COL6A2: variants seen among roughly 807,000 people sequenced by gnomAD.
The protein encoded by COL6A2 is collagen type VI alpha 2 chain.
In COL6A2, 90 loss-of-function variants were observed where a neutral mutation model predicts 124.9. That is an observed-to-expected ratio of 0.72 (90% CI 0.61 to 0.86). The LOEUF is 0.86. COL6A2 is among the 40% of genes least tolerant of loss of function. The pLI is 0.00. For synonymous variants in COL6A2, 793 were observed against 618.2 expected, an observed-to-expected ratio of 1.28 and a Z score of -4.19; for missense variants, 1,607 against 1,502.5, an observed-to-expected ratio of 1.07 and a Z score of -1.15.
Position 46,122,415 on chromosome 21 carries a change from G to A in COL6A2, c.1573-81G>A, listed in dbSNP as rs561500621. 131 of 1,578,020 alleles carry A rather than the reference G, an allele frequency of 8.3e-5. 1 individual carries two copies. The South Asian group carries it at 1.4e-3, about 17-fold the overall frequency. On this transcript the variant is annotated intron_variant, in intron 19 of 27. Coordinates refer to ENST00000300527, the MANE Select transcript of COL6A2 (RefSeq NM_001849.4). ...TGTGAATGAGCGAGGGAGGGAAACGGGGCTGCAGAAAGCTGCCCAGAGGGA... is the reference window on the plus strand; with the variant it reads ...TGTGAATGAGCGAGGGAGGGAAACGAGGCTGCAGAAAGCTGCCCAGAGGGA...
chr21:46,128,603 A>C (rs1214620225), intron 27 of COL6A2, among the ~76,000 whole-genome samples: 1 of 152,248 alleles, frequency 6.6e-6, no homozygotes, highest in Non-Finnish European at 1.5e-5. Context: ...CTGGAGAAAC[A>C]AACCAGACGC....
intron 15 of COL6A2, among the ~76,000 whole-genome samples, chr21:46,120,138 C>CCCCCCAGCCCCCA (rs1236853963): frequency 6.7e-6 from 1 of 150,288 alleles, no homozygotes; most frequent in African/African-American, 2.4e-5. Context: ...CACTGAGGCA[C>CCCCCCAGCCCCCA]CTCTTACCCC....
At position 46,132,082 on chromosome 21, in the gene COL6A2, A is replaced by T. The variant is rs780908409; in HGVS notation, c.2590A>T (p.Thr864Ser). The change falls in exon 28 of 28, where the codon ACG (threonine) becomes TCG (serine). Residue 864 changes from threonine (T) to serine (S), a missense_variant. Coordinates refer to ENST00000300527, the MANE Select transcript of COL6A2 (RefSeq NM_001849.4). ...RFVEQVARRLTLARRDDDPLN... is the reference protein window; with the variant it reads ...RFVEQVARRLSLARRDDDPLN... ...CGTGGAGCAGGTGGCGCGGCGGCTG[A>T]CGCTGGCCCGGAGGGACGACGACCC... The T allele has an allele frequency of 6.2e-7, 1 of 1,601,524 alleles. No homozygotes were observed. Among genetic ancestry groups the T allele is most frequent in the Non-Finnish European group, 8.5e-7 (1 of 1,176,564 alleles).
chr21:46,118,562 AC>A, intron 12 of COL6A2, 51 bp from the exon 13 acceptor site: 4 of 1,582,732 alleles, frequency 2.5e-6, no homozygotes, highest in African/African-American at 2.7e-5. Flanking sequence ...GGCATCCTGC[AC>A]CCCCCTTCCC....
At chr21:46,129,023 C>CA (rs2078718793) in intron 27 of COL6A2, 1 of 1,603,454 alleles carries the variant, frequency 6.2e-7, no homozygotes, top group African/African-American at 1.3e-5. Flanking sequence ...TCACTGCCCC[C>CA]ACGCCTCCTG....
At chr21:46,098,972 G>A (rs996433172) in intron 1 of COL6A2, 1 of 152,348 alleles carries the variant, frequency 6.6e-6, no homozygotes, top group Non-Finnish European at 1.5e-5. Flanking sequence ...GCGGGCGAGC[G>A]GCGCCCATCC....
At chr21:46,117,710 C>T (rs923363598) in intron 11 of COL6A2, among the ~76,000 whole-genome samples, 164 bp from the exon 12 acceptor site, 3 of 151,952 alleles carry the variant, frequency 2.0e-5, no homozygotes, top group Non-Finnish European at 4.4e-5. Context: ...GCTCCATTTC[C>T]CTGAGCAGCA....
chr21:46,124,191 T>G (rs1255980910), intron 21 of COL6A2, among the ~76,000 whole-genome samples: 1 of 149,598 alleles, frequency 6.7e-6, no homozygotes, highest in Non-Finnish European at 1.5e-5. Context: ...GGTGGATGAA[T>G]GGATGGGTTA....
intron 16 of COL6A2, 53 bp from the exon 17 acceptor site, chr21:46,121,008 C>T (rs1192276921): frequency 1.3e-5 from 20 of 1,549,154 alleles, no homozygotes; most frequent in South Asian, 2.2e-5. Context: ...ACTGGGGACT[C>T]CAGGGTGCTG....
In COL6A2 at chr21:46,122,870, C is replaced by T. The variant is rs1201782306; in HGVS notation, c.1609-5C>T. On this transcript the variant is annotated splice_region_variant and splice_polypyrimidine_tract_variant and intron_variant, in intron 20 of 27. Coordinates refer to ENST00000300527, the MANE Select transcript of COL6A2 (RefSeq NM_001849.4). ...TCCCAGGCTAACATGTGTTCCCTGT[C>T]ACAGGGAGGCCGAGGCGACTTTGGC... The T allele has an allele frequency of 6.2e-7, 1 of 1,612,596 alleles. No homozygotes were observed. The highest frequency in any genetic ancestry group is 1.7e-5 in the Admixed American group (1 of 59,994).
In COL6A2 at chr21:46,119,858, C is replaced by T; in HGVS notation, c.1332+8C>T. 6.4e-7 allele frequency: 1 copy of T among 1,556,530 alleles called. No individual in the cohort carries two copies. The highest frequency in any genetic ancestry group is 1.9e-5 in the Admixed American group (1 of 51,348). On this transcript the variant is annotated splice_region_variant and intron_variant, in intron 15 of 27. Transcript: ENST00000300527. ...GGCCCCAAGGGGGAGAAGGTGAGTC[C>T]TCGTGTGGAGGCAGCCCAGGGTCTC...
rs866969273 is a variant in COL6A2 at position 46,125,964 on chromosome 21, G to A, written c.2149G>A (p.Glu717Lys). ...LKFAYDRLIK[E>K]SRRQKTRVFA... is the part of the protein sequence containing the mutation. ...GTTTGCCTACGACCGCCTCATCAAG[G>A]AGAGCCGGCGCCAGAAGACACGTGT... Residue 717 changes from glutamate to lysine, a missense_variant, in exon 26 of 28, where the codon GAG becomes AAG. Coordinates refer to ENST00000300527, the MANE Select transcript of COL6A2 (RefSeq NM_001849.4). 1 of 1,613,076 alleles carries A rather than the reference G, an allele frequency of 6.2e-7. No homozygotes were observed. Among genetic ancestry groups the A allele is most frequent in the African/African-American group, 1.3e-5 (1 of 74,906 alleles).
rs201774467 is a variant in COL6A2, at chr21:46,114,021, G to A, written c.749G>A (p.Ser250Asn). Reference protein sequence around the residue: ...HEAYGECYKVSCLEIPGPSGP... With the variant: ...HEAYGECYKVNCLEIPGPSGP... ...TCCTCGTTTCAGTGCTACAAGGTGA[G>A]CTGCCTGGAAATCCCTGGGCCCTCT... The change falls in exon 5 of 28, where the codon AGC becomes AAC. Residue 250 changes from serine to asparagine, a missense_variant. Ser to Asn is a conservative substitution (Grantham distance 46, BLOSUM62 1). Transcript: ENST00000300527. The A allele has an allele frequency of 1.2e-6, 2 of 1,613,886 alleles. No homozygotes were observed. Among genetic ancestry groups the A allele is most frequent in the East Asian group, 4.5e-5 (2 of 44,870 alleles).
chr21:46,111,368 T>G lies in COL6A2; in HGVS notation c.-27-82T>G. 5 of 755,210 alleles carry G rather than the reference T, an allele frequency of 6.6e-6. No individual in the cohort carries two copies. The Admixed American group carries it at 1.1e-4, about 16-fold the overall frequency. 46.8% of individuals were successfully genotyped at this position (755,210 alleles called of 1,614,324 possible). ...GGCAGTGCCCCCAATCCCGCTGACCTGCTGTGCGTGCGCCTGCCATGGGGG... is the reference window on the plus strand; with the variant it reads ...GGCAGTGCCCCCAATCCCGCTGACCGGCTGTGCGTGCGCCTGCCATGGGGG... On this transcript the variant is annotated intron_variant, in intron 1 of 27. Coordinates refer to ENST00000300527, the MANE Select transcript of COL6A2 (RefSeq NM_001849.4).
intron 1 of COL6A2, among the ~76,000 whole-genome samples, chr21:46,108,706 C>G (rs1256276817): frequency 6.6e-6 from 1 of 152,136 alleles, no homozygotes; most frequent in African/African-American, 2.4e-5. Flanking sequence ...TGTGGCAACA[C>G]TGTACTTTAA....
chr21:46,127,994 C>G (rs1169270460), intron 27 of COL6A2, among the ~76,000 whole-genome samples: 1 of 152,198 alleles, frequency 6.6e-6, no homozygotes, highest in Non-Finnish European at 1.5e-5. Flanking sequence ...TTCGCTGATG[C>G]CTGCCTGAGG....
In COL6A2 at chr21:46,112,576, T is replaced by C. The variant is rs1014740118; in HGVS notation, c.713T>C (p.Met238Thr). 3.3e-5 allele frequency: 53 copies of C among 1,611,148 alleles called. No individual in the cohort carries two copies. Among genetic ancestry groups the C allele is most frequent in the Non-Finnish European group, 4.3e-5 (51 of 1,179,740 alleles). Residue 238 changes from methionine (M) to threonine (T), a missense_variant and splice_region_variant, in exon 3 of 28, where the codon ATG becomes ACG. Coordinates refer to ENST00000300527, the MANE Select transcript of COL6A2 (RefSeq NM_001849.4). The part of the protein sequence containing the change: ...QDTINRIIKV[M>T]KHEAYGECYK... ...ACCATCAACCGCATCATCAAGGTCA[T>C]GGTGAGCCGCGGGCGGGAGCACCGT... is the stretch of plus-strand genomic sequence containing the variant.
At chr21:46,124,734 C>T (rs1428443668) in intron 22 of COL6A2, 21 bp downstream of exon 22, 3 of 1,611,260 alleles carry the variant, frequency 1.9e-6, no homozygotes, top group Non-Finnish European at 2.5e-6. Context: ...GGCCAGTCCC[C>T]ATGCCCTCCC....
chr21:46,129,751 A>G (rs1462870480), intron 27 of COL6A2: 24 of 1,347,668 alleles, frequency 1.8e-5, no homozygotes, highest in Non-Finnish European at 2.3e-5. Flanking sequence ...TGGTCATTGA[A>G]TTTAAGGCCC....
Sources: gnomAD v4.1 joint callset for allele counts (sites outside exome capture counted in the v4.1 genomes callset) on GRCh38, gnomAD v4.1.1 for gene constraint, MANE v1.5 for transcripts, NCBI Gene and HGNC (gene_info 2026-07-23, HGNC 2026-07-21) for gene names.